The following CGNL1 variants were observed in gnomAD, a reference collection of about 807,000 sequenced individuals.
CGNL1 encodes cingulin like 1, also known as cingulin-like protein 1.
CGNL1 carries 132 observed loss-of-function variants against 141.2 expected under a neutral mutation model. That is an observed-to-expected ratio of 0.93 (90% CI 0.81 to 1.08). CGNL1 has a LOEUF of 1.08. Among genes scored for constraint, CGNL1 ranks in the 50% least tolerant of loss-of-function variants. The pLI is 0.00. For missense variants in CGNL1, 1,870 were observed against 1,588.6 expected, an observed-to-expected ratio of 1.18 and a Z score of -3.01; for synonymous variants, 690 against 622.1, an observed-to-expected ratio of 1.11 and a Z score of -1.63.
chr15:57,466,746 C>G (rs1407250676), intron 8 of CGNL1, among the ~76,000 whole-genome samples: 1 of 152,118 alleles, frequency 6.6e-6, no homozygotes, highest in Non-Finnish European at 1.5e-5. Context: ...ACTGTTTTGG[C>G]TTTTAATTTA....
intron 16 of CGNL1, 23 bp from the exon 17 acceptor site, chr15:57,545,561 AGGGTTCTT>A (rs766230371): frequency 6.3e-7 from 1 of 1,591,794 alleles, no homozygotes; most frequent in African/African-American, 1.3e-5. Flanking sequence ...TGGGAGTGAG[AGGGTTCTT>A]GGTTCTGTCT....
chr15:57,461,531 T>G, intron 7 of CGNL1, 149 bp from the exon 8 acceptor site: 1 of 689,130 alleles, frequency 1.5e-6, no homozygotes, highest in Admixed American at 2.1e-5. Context: ...GAAGAAATGG[T>G]CTAAACAGGT....
At chr15:57,517,232 A>G (rs1412224351) in intron 9 of CGNL1, among the ~76,000 whole-genome samples, 1 of 152,180 alleles carries the variant, frequency 6.6e-6, no homozygotes, top group Non-Finnish European at 1.5e-5. Context: ...ATCCCCACAC[A>G]CCCAGATACC....
At chr15:57,509,858 A>G (rs2030090583) in intron 8 of CGNL1, among the ~76,000 whole-genome samples, 1 of 152,234 alleles carries the variant, frequency 6.6e-6, no homozygotes, top group African/African-American at 2.4e-5. Context: ...AGCATGTTGA[A>G]GCATGCTGTT....
intron 3 of CGNL1, among the ~76,000 whole-genome samples, chr15:57,441,245 A>AG (rs34130046): frequency 0.069 from 10,536 of 152,248 alleles, 496 homozygotes; most frequent in Admixed American, 0.13. Context: ...ATCTTTTGAA[A>AG]GGGGGAAAAA....
At chr15:57,463,201 G>A (rs1406145417) in intron 8 of CGNL1, among the ~76,000 whole-genome samples, 1 of 152,126 alleles carries the variant, frequency 6.6e-6, no homozygotes, top group Admixed American at 6.5e-5. Flanking sequence ...TTAAGTATAA[G>A]GAAAATCAAA....
chr15:57,538,077 A>G (rs2032363109), intron 14 of CGNL1, among the ~76,000 whole-genome samples: 1 of 152,226 alleles, frequency 6.6e-6, no homozygotes, highest in South Asian at 2.1e-4. Flanking sequence ...CGATATTCCC[A>G]AGTCAAGGGG....
intron 1 of CGNL1, among the ~76,000 whole-genome samples, chr15:57,426,433 C>T (rs1439244173): frequency 2.7e-5 from 4 of 145,860 alleles, no homozygotes; most frequent in South Asian, 2.3e-4. Context: ...GCATGAGCCA[C>T]CACACCAGGC....
At chr15:57,475,120 C>A (rs2063635088) in intron 8 of CGNL1, among the ~76,000 whole-genome samples, 1 of 152,176 alleles carries the variant, frequency 6.6e-6, no homozygotes, top group African/African-American at 2.4e-5. Flanking sequence ...CCTATTTCCC[C>A]AACTGTGTTG....
chr15:57,451,206 T>C (rs547104912), intron 4 of CGNL1, among the ~76,000 whole-genome samples: 4 of 152,218 alleles, frequency 2.6e-5, no homozygotes, highest in African/African-American at 7.2e-5. Context: ...AAATATGCCA[T>C]GTATGCAAGT....
At chr15:57,504,956 A>T (rs573759250) in intron 8 of CGNL1, among the ~76,000 whole-genome samples, 3 of 152,350 alleles carry the variant, frequency 2.0e-5, no homozygotes, top group African/African-American at 7.2e-5. Context: ...GCCCTAGAGC[A>T]GTCCTGGGGA....
chr15:57,503,669 A>G (rs532797706), intron 8 of CGNL1, among the ~76,000 whole-genome samples: 1 of 152,302 alleles, frequency 6.6e-6, no homozygotes, highest in South Asian at 2.1e-4. Flanking sequence ...AAAGAGGTTT[A>G]GTTGGACTTA....
chr15:57,458,129 A>C (rs1336589861), intron 7 of CGNL1, among the ~76,000 whole-genome samples: 1 of 152,212 alleles, frequency 6.6e-6, no homozygotes, highest in Admixed American at 6.5e-5. Context: ...TGCTCAGCAC[A>C]GTTCTTATGA....
intron 8 of CGNL1, among the ~76,000 whole-genome samples, chr15:57,482,190 T>C (rs2063734676): frequency 6.6e-6 from 1 of 152,122 alleles, no homozygotes; most frequent in South Asian, 2.1e-4. Flanking sequence ...AAATATGTGG[T>C]TTGTAAAGAC....
chr15:57,531,702 C>T lies in CGNL1; in HGVS notation c.3214C>T (p.Gln1072Ter). 1.2e-6 allele frequency: 2 copies of T among 1,611,730 alleles called. No individual in the cohort carries two copies. Among genetic ancestry groups the T allele is most frequent in the South Asian group, 1.1e-5 (1 of 90,994 alleles). Residue 1072 changes from glutamine to a stop codon, truncating the protein, a stop_gained, in exon 14 of 19, where the codon CAA (glutamine) becomes TAA (stop). Coordinates refer to ENST00000281282, the MANE Select transcript of CGNL1 (RefSeq NM_032866.5). LOFTEE classifies it high-confidence loss of function. ...LVKQMEDKVS[Q>*]LEMELEEERN... is the part of the protein sequence containing the mutation. ...ATTTCCTTCTTAGGACAAGGTGTCT[C>T]AACTGGAGATGGAACTGGAAGAAGA...
chr15:57,478,097 G>C (rs1202174140), intron 8 of CGNL1: 3 of 152,202 alleles, frequency 2.0e-5, no homozygotes, highest in African/African-American at 7.2e-5. Context: ...CTGTCTCTGA[G>C]TTTACGGCTG....
At chr15:57,401,626 T>A (rs878958) in intron 1 of CGNL1, among the ~76,000 whole-genome samples, 58,399 of 152,044 alleles carry the variant, frequency 0.38, 11,494 homozygotes, top group East Asian at 0.6. Flanking sequence ...TCATTTCATT[T>A]GAGCCTTCAT....
At chr15:57,437,954 G>T in intron 1 of CGNL1, 31 bp from the exon 2 acceptor site, 1 of 1,550,154 alleles carries the variant, frequency 6.5e-7, no homozygotes, top group Middle Eastern at 1.7e-4. Context: ...CTAACCTAAT[G>T]TCCTCTTTTT....
At chr15:57,504,130 A>G (rs1273287672) in intron 8 of CGNL1, among the ~76,000 whole-genome samples, 4 of 151,920 alleles carry the variant, frequency 2.6e-5, no homozygotes, top group Non-Finnish European at 4.4e-5. Context: ...TGATGATGAT[A>G]ATGATGATGA....
Sources: allele counts gnomAD v4.1 joint callset (sites outside exome capture counted in the v4.1 genomes callset), GRCh38; gene constraint gnomAD v4.1.1; transcripts MANE v1.5; gene names NCBI Gene and HGNC (gene_info 2026-07-23, HGNC 2026-07-21).